GLIS1: variants seen among roughly 807,000 people sequenced by gnomAD.
GLIS1 encodes GLIS family zinc finger 1, also known as zinc finger protein GLIS1.
A neutral mutation model predicts 63.8 loss-of-function variants in GLIS1; 24 were observed. The ratio of observed to expected loss-of-function variants is 0.38; its 90% confidence interval spans 0.27 to 0.53. The LOEUF (loss-of-function observed/expected upper bound fraction) is 0.53, where lower values mean the gene tolerates loss of function less well. Ranked by LOEUF, GLIS1 falls within the 20% of genes least tolerant of loss-of-function variation. The pLI is 0.85. For missense variants in GLIS1, 1,036 were observed against 1,074.1 expected, an observed-to-expected ratio of 0.96 and a Z score of 0.50; for synonymous variants, 450 against 482.5, an observed-to-expected ratio of 0.93 and a Z score of 0.88.
intron 2 of GLIS1, among the ~76,000 whole-genome samples, chr1:53,691,825 G>A (rs3013766): frequency 0.65 from 98,427 of 151,846 alleles, 33,399 homozygotes; most frequent in Admixed American, 0.74. Flanking sequence ...TCCAACCCAG[G>A]GTCACACCCA....
chr1:53,507,306 G>T (rs1435222178), intron 10 of GLIS1, among the ~76,000 whole-genome samples: 2 of 152,182 alleles, frequency 1.3e-5, no homozygotes, highest in African/African-American at 4.8e-5. Context: ...CTATCCTATT[G>T]TACAGCTGAG....
At chr1:53,531,080 T>C (rs752181416) in intron 4 of GLIS1, among the ~76,000 whole-genome samples, 1 of 152,240 alleles carries the variant, frequency 6.6e-6, no homozygotes, top group Non-Finnish European at 1.5e-5. Flanking sequence ...GACATGGCAA[T>C]GACAGGACTC....
intron 4 of GLIS1, among the ~76,000 whole-genome samples, chr1:53,540,104 C>T (rs189965147): frequency 5.3e-5 from 8 of 152,272 alleles, no homozygotes; most frequent in Admixed American, 4.6e-4. Flanking sequence ...CGGTCCCTTA[C>T]CACTCTCCTA....
chr1:53,699,042 TTTTG>T (rs145177511), intron 2 of GLIS1, among the ~76,000 whole-genome samples: 14,566 of 151,506 alleles, frequency 0.096, 895 homozygotes, highest in Middle Eastern at 0.18. Flanking sequence ...TTGTTTTGTT[TTTTG>T]TTTGTTTGTT....
intron 2 of GLIS1, among the ~76,000 whole-genome samples, chr1:53,666,274 T>C (rs1237743720): frequency 1.3e-5 from 2 of 152,160 alleles, no homozygotes; most frequent in Non-Finnish European, 2.9e-5. Flanking sequence ...CTTTTCTCAA[T>C]CAGATGCAGG....
intron 2 of GLIS1, among the ~76,000 whole-genome samples, chr1:53,644,650 G>A (rs147488092): frequency 7.9e-4 from 121 of 152,348 alleles, no homozygotes; most frequent in African/African-American, 2.6e-3. Flanking sequence ...GGTATGCCCA[G>A]CAGAGGGAAC....
chr1:53,555,090 G>T (rs1156877918), intron 4 of GLIS1, among the ~76,000 whole-genome samples: 1 of 152,188 alleles, frequency 6.6e-6, no homozygotes, highest in African/African-American at 2.4e-5. Flanking sequence ...TGCACTCTCA[G>T]ATCTAAAGAC....
At chr1:53,625,541 A>G (rs906318757) in intron 2 of GLIS1, among the ~76,000 whole-genome samples, 4 of 152,186 alleles carry the variant, frequency 2.6e-5, no homozygotes, top group African/African-American at 9.6e-5. Context: ...CATTCAAAAA[A>G]CATTGATTGC....
rs1170567890 is a variant in GLIS1 at position 53,506,756 on chromosome 1, C to T, written c.2251G>A (p.Ala751Thr). 1.2e-6 allele frequency: 2 copies of T among 1,611,622 alleles called. No homozygotes were observed. Among genetic ancestry groups the T allele is most frequent in the East Asian group, 2.2e-5 (1 of 44,874 alleles). ...TGTGGCAGCGCTGTGGGGCATGAGGCCTCAGCCAGGGCCTCATAGCCTGTG... is the reference window on the plus strand; with the variant it reads ...TGTGGCAGCGCTGTGGGGCATGAGGTCTCAGCCAGGGCCTCATAGCCTGTG... ...PATGYEALAE[A>T]SCPTALPQQP... The change falls in exon 11 of 11, where the codon GCC becomes ACC. Residue 751 changes from alanine (A) to threonine (T), a missense_variant. Ala to Thr is a moderately conservative substitution (Grantham distance 58). Transcript: ENST00000628545.
intron 2 of GLIS1, among the ~76,000 whole-genome samples, chr1:53,707,190 A>G (rs1646587704): frequency 6.6e-6 from 1 of 152,092 alleles, no homozygotes; most frequent in South Asian, 2.1e-4. Context: ...ACAGGGGAAG[A>G]GGGGAGAAAG....
At chr1:53,611,726 G>A (rs1020070907) in intron 2 of GLIS1, among the ~76,000 whole-genome samples, 9 of 152,224 alleles carry the variant, frequency 5.9e-5, no homozygotes, top group Non-Finnish European at 1.2e-4. Context: ...TCAACTGAAA[G>A]TTTGGGATAC....
chr1:53,630,478 T>C (rs1173774302), intron 2 of GLIS1, among the ~76,000 whole-genome samples: 1 of 139,572 alleles, frequency 7.2e-6, no homozygotes, highest in East Asian at 2.2e-4. Flanking sequence ...CCAGTGACTG[T>C]GAGGGGACCA....
chr1:53,718,344 G>A (rs989210687), intron 2 of GLIS1, among the ~76,000 whole-genome samples: 1 of 152,202 alleles, frequency 6.6e-6, no homozygotes, highest in African/African-American at 2.4e-5. Flanking sequence ...AGACGGAACT[G>A]AGGGAACCTG....
chr1:53,634,965 G>A (rs1645707553), intron 2 of GLIS1, among the ~76,000 whole-genome samples: 1 of 152,124 alleles, frequency 6.6e-6, no homozygotes, highest in Admixed American at 6.5e-5. Context: ...CTAGACCAGA[G>A]CATGACAATC....
chr1:53,599,370 C>T (rs371078992), intron 3 of GLIS1, among the ~76,000 whole-genome samples: 4 of 152,172 alleles, frequency 2.6e-5, no homozygotes, highest in Non-Finnish European at 4.4e-5. Flanking sequence ...GAAAGAGACC[C>T]GAGCTAGCGT....
intron 2 of GLIS1, among the ~76,000 whole-genome samples, chr1:53,684,379 C>T (rs1646308386): frequency 6.6e-6 from 1 of 152,176 alleles, no homozygotes; most frequent in African/African-American, 2.4e-5. Context: ...GCCTAGAAGC[C>T]TCTAGGGGTC....
At chr1:53,720,846 A>G (rs1339893104) in intron 2 of GLIS1, among the ~76,000 whole-genome samples, 1 of 152,124 alleles carries the variant, frequency 6.6e-6, no homozygotes, top group Non-Finnish European at 1.5e-5. Flanking sequence ...AAAACATACA[A>G]CATTATCTGG....
chr1:53,578,847 G>A (rs1645057377), intron 4 of GLIS1, among the ~76,000 whole-genome samples: 1 of 152,100 alleles, frequency 6.6e-6, no homozygotes, highest in Non-Finnish European at 1.5e-5. Context: ...GTAGAACATT[G>A]CAACAGGATT....
At chr1:53,738,207 C>A (rs1188125810) in intron 1 of GLIS1, 101 bp from the exon 2 acceptor site, 5 of 654,824 alleles carry the variant, frequency 7.6e-6, no homozygotes, top group African/African-American at 1.9e-5. Context: ...CGGTGGATTG[C>A]GCGTCTTTAA....
Sources: allele counts gnomAD v4.1 joint callset (sites outside exome capture counted in the v4.1 genomes callset), GRCh38; gene constraint gnomAD v4.1.1; transcripts MANE v1.5; gene names NCBI Gene and HGNC (gene_info 2026-07-23, HGNC 2026-07-21).